Variants in LRP1B observed in about 807,000 individuals in gnomAD.
LRP1B encodes the protein LDL receptor related protein 1B.
A neutral mutation model predicts 556.6 loss-of-function variants in LRP1B; 217 were observed. The ratio of observed to expected loss-of-function variants is 0.39; its 90% CI spans 0.35 to 0.44. The LOEUF (loss-of-function observed/expected upper bound fraction) is 0.44, where lower values mean the gene tolerates loss of function less well. Among genes scored for constraint, LRP1B ranks in the 20% least tolerant of loss-of-function variants. The pLI, the probability that LRP1B is intolerant of heterozygous loss-of-function variation, is 1.00. For missense variants in LRP1B, 5,053 were observed against 5,620.8 expected, an observed-to-expected ratio of 0.90 and a Z score of 3.23; for synonymous variants, 2,047 against 1,865.8, an observed-to-expected ratio of 1.10 and a Z score of -2.50.
intron 2 of LRP1B, among the ~76,000 whole-genome samples, chr2:141,784,384 G>A (rs920680956): frequency 6.6e-6 from 1 of 151,922 alleles, no homozygotes; most frequent in South Asian, 2.1e-4. Context: ...GTACACTGTG[G>A]AATAGATATT....
At chr2:141,868,270 C>G (rs573042666) in intron 1 of LRP1B, among the ~76,000 whole-genome samples, 1 of 152,078 alleles carries the variant, frequency 6.6e-6, no homozygotes, top group East Asian at 1.9e-4. Context: ...CAGAGAGATG[C>G]CCCGGTGAGA....
intron 20 of LRP1B, among the ~76,000 whole-genome samples, chr2:140,938,525 C>T (rs1323440138): frequency 1.3e-5 from 2 of 151,956 alleles, no homozygotes; most frequent in African/African-American, 2.4e-5. Flanking sequence ...AGCAAGGTAG[C>T]AGTTACTGGG....
At chr2:140,698,234 A>G (rs1686505818) in intron 41 of LRP1B, among the ~76,000 whole-genome samples, 1 of 152,012 alleles carries the variant, frequency 6.6e-6, no homozygotes, top group Non-Finnish European at 1.5e-5. Flanking sequence ...CTGAATGCTT[A>G]GCCCAGAAGA....
chr2:141,204,616 T>C (rs551413880), intron 6 of LRP1B, among the ~76,000 whole-genome samples: 1 of 152,350 alleles, frequency 6.6e-6, no homozygotes. Context: ...TATGTACTCA[T>C]ATTGAAATTT....
At chr2:140,799,404 C>T (rs1163306042) in intron 32 of LRP1B, among the ~76,000 whole-genome samples, 2 of 152,166 alleles carry the variant, frequency 1.3e-5, no homozygotes, top group African/African-American at 4.8e-5. Flanking sequence ...TCACCAGGAA[C>T]CAAATTCACC....
intron 2 of LRP1B, among the ~76,000 whole-genome samples, chr2:141,508,835 C>G (rs1684022136): frequency 6.6e-6 from 1 of 152,006 alleles, no homozygotes; most frequent in South Asian, 2.1e-4. Context: ...TGGTCACTTC[C>G]CCCTTAAATT....
At chr2:140,635,088 C>A (rs567548) in intron 41 of LRP1B, among the ~76,000 whole-genome samples, 12,561 of 152,036 alleles carry the variant, frequency 0.083, 681 homozygotes, top group East Asian at 0.18. Context: ...TTCTATAAAT[C>A]TCAAATTAAT....
chr2:141,435,730 G>A (rs1434273820), intron 3 of LRP1B, among the ~76,000 whole-genome samples: 2 of 152,202 alleles, frequency 1.3e-5, no homozygotes, highest in East Asian at 3.8e-4. Flanking sequence ...CTATGAACAG[G>A]CTGAACCAGG....
intron 86 of LRP1B, among the ~76,000 whole-genome samples, chr2:140,250,054 C>T (rs1259923891): frequency 6.6e-6 from 1 of 151,812 alleles, no homozygotes; most frequent in Admixed American, 6.6e-5. Flanking sequence ...CATCTTTAAT[C>T]TGTACTATTG....
intron 7 of LRP1B, among the ~76,000 whole-genome samples, chr2:141,153,150 T>C (rs1701966565): frequency 6.8e-6 from 1 of 145,996 alleles, no homozygotes. Flanking sequence ...TAACTTATAC[T>C]ACCAAACATT....
chr2:140,572,405 C>A (rs1225488868), intron 43 of LRP1B, among the ~76,000 whole-genome samples: 1 of 151,662 alleles, frequency 6.6e-6, no homozygotes, highest in Non-Finnish European at 1.5e-5. Context: ...CGGTCAACAT[C>A]ACTAATCATG....
At chr2:140,246,630 T>G (rs1681177148) in intron 87 of LRP1B, among the ~76,000 whole-genome samples, 1 of 151,554 alleles carries the variant, frequency 6.6e-6, no homozygotes, top group Non-Finnish European at 1.5e-5. Context: ...TATTAAGAAT[T>G]GCTTGTTAAC....
chr2:140,676,800 T>C (rs1448282051), intron 41 of LRP1B, among the ~76,000 whole-genome samples: 1 of 152,198 alleles, frequency 6.6e-6, no homozygotes, highest in Non-Finnish European at 1.5e-5. Flanking sequence ...TGTAAAGATT[T>C]TAAGATGTGA....
chr2:141,100,928 A>T (rs928880153), intron 7 of LRP1B, among the ~76,000 whole-genome samples: 7 of 152,078 alleles, frequency 4.6e-5, no homozygotes, highest in African/African-American at 9.6e-5. Flanking sequence ...GTTCATAAAA[A>T]TTTTTTCCAA....
chr2:141,568,494 ACT>A (rs1686414017), intron 2 of LRP1B, among the ~76,000 whole-genome samples: 1 of 150,814 alleles, frequency 6.6e-6, no homozygotes, highest in Non-Finnish European at 1.5e-5. Flanking sequence ...AAAAATGAAG[ACT>A]CTGATAGTAT....
At chr2:142,105,420 C>A (rs1424604903) in intron 1 of LRP1B, among the ~76,000 whole-genome samples, 1 of 152,118 alleles carries the variant, frequency 6.6e-6, no homozygotes, top group Non-Finnish European at 1.5e-5. Flanking sequence ...TTAAATAGGG[C>A]TAGATATGGC....
At chr2:140,957,309 G>A (rs962919860) in intron 18 of LRP1B, among the ~76,000 whole-genome samples, 5 of 151,524 alleles carry the variant, frequency 3.3e-5, no homozygotes, top group Non-Finnish European at 7.4e-5. Context: ...GATTCATGAC[G>A]GCCCGGAAGT....
At chr2:140,757,198 G>T (rs1451491762) in intron 35 of LRP1B, among the ~76,000 whole-genome samples, 1 of 152,152 alleles carries the variant, frequency 6.6e-6, no homozygotes, top group African/African-American at 2.4e-5. Context: ...ACACTCTACT[G>T]ATGTGAATGC....
chr2:140,378,175 C>G lies in LRP1B; in HGVS notation c.10638+5G>C. The G allele has an allele frequency of 6.3e-7, 1 of 1,593,018 alleles. No individual in the cohort carries two copies. Among genetic ancestry groups the G allele is most frequent in the Non-Finnish European group, 8.6e-7 (1 of 1,164,072 alleles). Reference sequence around the variant, plus strand: ...CTTTCTTTTTGATTTTACAAAGATGCCTACCTCATCAGAGCCATCTGCACA... The same window carrying G: ...CTTTCTTTTTGATTTTACAAAGATGGCTACCTCATCAGAGCCATCTGCACA... On this transcript the variant is annotated splice_donor_5th_base_variant and intron_variant, in intron 68 of 90. Transcript: ENST00000389484.
Sources: allele counts gnomAD v4.1 joint callset (sites outside exome capture counted in the v4.1 genomes callset), GRCh38; gene constraint gnomAD v4.1.1; transcripts MANE v1.5; gene names NCBI Gene and HGNC (gene_info 2026-07-23, HGNC 2026-07-21).